EYA2: variants seen among roughly 807,000 people sequenced by gnomAD.
EYA2 encodes the protein protein phosphatase EYA2.
In EYA2, 31 loss-of-function variants were observed where a neutral mutation model predicts 69.2. The ratio of observed to expected loss-of-function variants is 0.45; its 90% CI spans 0.34 to 0.60. The LOEUF (loss-of-function observed/expected upper bound fraction) is 0.60, where lower values mean the gene tolerates loss of function less well. EYA2 is among the 20% of genes least tolerant of loss of function. EYA2 has a pLI of 0.02. For missense variants in EYA2, 622 were observed against 701.2 expected, an observed-to-expected ratio of 0.89 and a Z score of 1.28; for synonymous variants, 257 against 279.4, an observed-to-expected ratio of 0.92 and a Z score of 0.80.
At position 46,944,878 on chromosome 20, in the gene EYA2, C is replaced by T. The variant is rs999029915; in HGVS notation, c.-10-45123C>T. On this transcript the variant is annotated intron_variant, in intron 1 of 15. Transcript: ENST00000327619. ...CAGCACTTTGTGAGGCCGAGGCGGG[C>T]GGATCTCTTGAGCCCAGTAGTTTGA... Among the ~76,000 whole-genome samples, 4 of 152,182 alleles carry T rather than the reference C, an allele frequency of 2.6e-5. No homozygotes were observed. In the East Asian group the frequency reaches 7.7e-4, roughly 29 times the overall value.
chr20:47,127,631 G>A (rs1366139432), intron 9 of EYA2, among the ~76,000 whole-genome samples: 1 of 152,202 alleles, frequency 6.6e-6, no homozygotes, highest in Non-Finnish European at 1.5e-5. Flanking sequence ...AGCCTCCTTG[G>A]GCTGAGGGAT....
intron 5 of EYA2, among the ~76,000 whole-genome samples, chr20:47,027,672 C>T (rs964285515): frequency 2.6e-5 from 4 of 152,128 alleles, no homozygotes. Context: ...AGTTTGGGAT[C>T]AGGAGGGAGT....
chr20:47,034,427 G>A (rs1600657392), intron 5 of EYA2, among the ~76,000 whole-genome samples: 1 of 152,162 alleles, frequency 6.6e-6, no homozygotes. Flanking sequence ...AAACTGTGTG[G>A]GGGCAGGGAG....
At chr20:47,008,493 G>C (rs1039224861) in intron 4 of EYA2, among the ~76,000 whole-genome samples, 2 of 152,218 alleles carry the variant, frequency 1.3e-5, no homozygotes, top group Non-Finnish European at 2.9e-5. Flanking sequence ...GTGCTAGAAG[G>C]CTTAGAATAC....
chr20:47,079,164 CAGT>C (rs1163089289), intron 7 of EYA2, among the ~76,000 whole-genome samples: 1 of 152,130 alleles, frequency 6.6e-6, no homozygotes, highest in Non-Finnish European at 1.5e-5. Flanking sequence ...TGGATCTGTG[CAGT>C]AGAAAATTTT....
chr20:47,120,504 T>A (rs1048179709), intron 9 of EYA2, among the ~76,000 whole-genome samples: 2 of 152,248 alleles, frequency 1.3e-5, no homozygotes, highest in African/African-American at 2.4e-5. Flanking sequence ...TGGTATGTGC[T>A]GCCATAGCCC....
intron 1 of EYA2, among the ~76,000 whole-genome samples, chr20:46,908,692 A>T (rs1600533671): frequency 6.6e-6 from 1 of 152,062 alleles, no homozygotes; most frequent in African/African-American, 2.4e-5. Context: ...CCGTGTTGCT[A>T]GGTGTTCTGA....
intron 1 of EYA2, among the ~76,000 whole-genome samples, chr20:46,980,863 T>G (rs1980789632): frequency 6.6e-6 from 1 of 152,242 alleles, no homozygotes; most frequent in African/African-American, 2.4e-5. Flanking sequence ...ATATTTGTCT[T>G]TCTGTCCTTG....
intron 5 of EYA2, among the ~76,000 whole-genome samples, chr20:47,024,361 C>G (rs1983955084): frequency 6.6e-6 from 1 of 152,178 alleles, no homozygotes. Context: ...AGTATTCTAC[C>G]CAATGCCCCA....
Position 47,089,316 on chromosome 20 carries a change from G to A in EYA2, c.739G>A (p.Gly247Arg), listed in dbSNP as rs139367894. Residue 247 changes from glycine to arginine, a missense_variant, in exon 8 of 16, where the codon GGG (glycine) becomes AGG (arginine). By Grantham distance (125) the Gly-to-Arg change is moderately radical. Around this residue, in one of 2 missense-constraint regions of EYA2, gnomAD observed 365 missense variants for 349.7 expected, o/e 1.04. Transcript: ENST00000327619. ...AGACAGGCCGCACCGGGCCTCCGACGGGAAGCTCCGAGGCCGGTCTAAGAG... is the reference window on the plus strand; with the variant it reads ...AGACAGGCCGCACCGGGCCTCCGACAGGAAGCTCCGAGGCCGGTCTAAGAG... ...DTDRPHRASD[G>R]KLRGRSKRSS... The A allele has an allele frequency of 3.9e-4, 623 of 1,614,026 alleles. 1 individual carries two copies. The highest frequency in any genetic ancestry group is 4.9e-4 in the Non-Finnish European group (584 of 1,179,950).
intron 5 of EYA2, among the ~76,000 whole-genome samples, chr20:47,061,837 T>A (rs1204143727): frequency 6.6e-6 from 1 of 152,110 alleles, no homozygotes; most frequent in Non-Finnish European, 1.5e-5. Flanking sequence ...GTGAACCACG[T>A]CTTAGTCCCC....
At chr20:47,007,806 A>G (rs1385654950) in intron 4 of EYA2, among the ~76,000 whole-genome samples, 1 of 150,972 alleles carries the variant, frequency 6.6e-6, no homozygotes, top group Non-Finnish European at 1.5e-5. Context: ...TTTTGTAGAG[A>G]CGGGGGGTGG....
intron 5 of EYA2, among the ~76,000 whole-genome samples, chr20:47,069,957 T>C (rs941128748): frequency 6.6e-6 from 1 of 152,104 alleles, no homozygotes; most frequent in Non-Finnish European, 1.5e-5. Context: ...AATACAAGAA[T>C]ACTGTGAAAT....
intron 1 of EYA2, among the ~76,000 whole-genome samples, chr20:46,952,226 G>A (rs1472650965): frequency 2.0e-5 from 3 of 152,086 alleles, no homozygotes; most frequent in Admixed American, 6.5e-5. Context: ...AGGGAGAGCC[G>A]TGGGCATGTC....
At chr20:47,027,436 C>T (rs1025627094) in intron 5 of EYA2, among the ~76,000 whole-genome samples, 2 of 152,234 alleles carry the variant, frequency 1.3e-5, no homozygotes, top group African/African-American at 4.8e-5. Context: ...TCAGCATTCT[C>T]GCCCCTGTGC....
At chr20:47,016,841 A>G (rs1228795218) in intron 5 of EYA2, among the ~76,000 whole-genome samples, 4 of 152,216 alleles carry the variant, frequency 2.6e-5, no homozygotes, top group African/African-American at 4.8e-5. Flanking sequence ...AATCTTGGAG[A>G]AAGAGCAAGG....
intron 1 of EYA2, among the ~76,000 whole-genome samples, chr20:46,930,104 G>A (rs926746043): frequency 5.9e-5 from 9 of 152,198 alleles, no homozygotes; most frequent in African/African-American, 2.2e-4. Context: ...CAGCATACCA[G>A]TTAGAGATGC....
At chr20:46,935,286 T>C (rs1208772186) in intron 1 of EYA2, among the ~76,000 whole-genome samples, 1 of 152,190 alleles carries the variant, frequency 6.6e-6, no homozygotes, top group East Asian at 1.9e-4. Context: ...CCAACAGAAT[T>C]AGCCTAGATT....
At chr20:47,094,433 A>G (rs1172405135) in intron 8 of EYA2, among the ~76,000 whole-genome samples, 1 of 152,266 alleles carries the variant, frequency 6.6e-6, no homozygotes, top group African/African-American at 2.4e-5. Context: ...TAACTGGTCC[A>G]AAAGATTTAT....
Sources: allele counts gnomAD v4.1 joint callset (sites outside exome capture counted in the v4.1 genomes callset), GRCh38; gene constraint gnomAD v4.1.1; regional missense constraint gnomAD v4.1.1; transcripts MANE v1.5; gene names NCBI Gene and HGNC (gene_info 2026-07-23, HGNC 2026-07-21).